Variants in GNAL observed in about 807,000 individuals in gnomAD.
GNAL encodes guanine nucleotide-binding protein G(olf) subunit alpha.
Under a neutral mutation model 55.1 loss-of-function variants are expected in GNAL, and 18 were observed. The observed-to-expected ratio is 0.33, with a 90% confidence interval of 0.23 to 0.48. The LOEUF (loss-of-function observed/expected upper bound fraction) is 0.48, where lower values mean the gene tolerates loss of function less well. Ranked by LOEUF, GNAL falls within the 20% of genes least tolerant of loss-of-function variation. The probability of loss-of-function intolerance (pLI) is 0.99; values close to 1 mark genes in which losing one functional copy is unlikely to be tolerated. For missense variants in GNAL, 412 were observed against 614.1 expected, an observed-to-expected ratio of 0.67 and a Z score of 3.48; for synonymous variants, 253 against 237.0, an observed-to-expected ratio of 1.07 and a Z score of -0.62.
chr18:11,876,494 T>G (rs2036535834), intron 10 of GNAL, 127 bp from the exon 11 acceptor site: 1 of 688,348 alleles, frequency 1.5e-6, no homozygotes, highest in African/African-American at 1.8e-5. Context: ...TGTTTTTGCC[T>G]TGCTGTACAT....
intron 5 of GNAL, among the ~76,000 whole-genome samples, chr18:11,847,851 A>G (rs1432838838): frequency 6.6e-6 from 1 of 152,218 alleles, no homozygotes; most frequent in Non-Finnish European, 1.5e-5. Context: ...TAGATACACA[A>G]AAAGAGAAAG....
intron 4 of GNAL, among the ~76,000 whole-genome samples, chr18:11,770,318 A>T: frequency 6.6e-6 from 1 of 152,320 alleles, no homozygotes; most frequent in Non-Finnish European, 1.5e-5. Context: ...ACTTACCTCA[A>T]TGATTATTCT....
intron 4 of GNAL, among the ~76,000 whole-genome samples, chr18:11,790,725 C>T (rs536659041): frequency 7.2e-6 from 1 of 139,024 alleles, no homozygotes; most frequent in South Asian, 2.3e-4. Context: ...GGCACGATCT[C>T]GTCTCACTGC....
chr18:11,744,687 A>C (rs1297493931), intron 1 of GNAL, among the ~76,000 whole-genome samples: 1 of 152,184 alleles, frequency 6.6e-6, no homozygotes, highest in Non-Finnish European at 1.5e-5. Context: ...AGTGCATAGA[A>C]TTTAGTGACC....
chr18:11,848,957 AC>A (rs1187026094), intron 5 of GNAL, among the ~76,000 whole-genome samples: 1 of 152,128 alleles, frequency 6.6e-6, no homozygotes, highest in Non-Finnish European at 1.5e-5. Context: ...TCTAACACTT[AC>A]CTAATGTGTG....
Position 11,751,408 on chromosome 18 carries a change from G to C in GNAL, c.377-1445G>C, listed in dbSNP as rs1044622587. ...TGTGCTGCTTGGGAGCACTGCACAG[G>C]AGAAACGGGGGCTGGAGGTAAAGAC... On this transcript the variant is annotated intron_variant, in intron 1 of 11. Coordinates refer to ENST00000334049, the MANE Select transcript of GNAL (RefSeq NM_182978.4). This position sits in a 1 kb window ranked among gnomAD's most constrained non-coding sequence, Gnocchi z 4.5. 3.8e-5 allele frequency: 23 copies of C among 610,720 alleles called. No homozygotes were observed. Among genetic ancestry groups the C allele is most frequent in the Non-Finnish European group, 4.3e-5 (21 of 487,438 alleles). The allele number at this position is 610,720 out of a possible 1,614,324, so 37.8% of individuals were successfully genotyped here.
At chr18:11,732,060 C>G (rs2032351436) in intron 1 of GNAL, among the ~76,000 whole-genome samples, 1 of 152,130 alleles carries the variant, frequency 6.6e-6, no homozygotes, top group African/African-American at 2.4e-5. Context: ...TATAGGTATA[C>G]CATATTTTGT....
In GNAL at chr18:11,751,474, T is replaced by A; in HGVS notation, c.377-1379T>A. 3 of 984,606 alleles carry A rather than the reference T, an allele frequency of 3.0e-6. No homozygotes were observed. Among genetic ancestry groups the A allele is most frequent in the Non-Finnish European group, 3.6e-6 (3 of 829,224 alleles). 61.0% of individuals were successfully genotyped at this position (984,606 alleles called of 1,614,324 possible). Reference sequence around the variant, plus strand: ...CGGCGACGTGGGCGAGCTGGAATAGTCTAGAAGCTGAGCAGAACAAAGGCG... The same window carrying A: ...CGGCGACGTGGGCGAGCTGGAATAGACTAGAAGCTGAGCAGAACAAAGGCG... On this transcript the variant is annotated intron_variant, in intron 1 of 11. Transcript: ENST00000334049. The surrounding 1 kb of genome is among the most constrained non-coding windows in gnomAD (Gnocchi z 4.5).
rs891017503 is a variant in GNAL at position 11,882,660 on chromosome 18, T to C, written c.*1525T>C. 1 of 121,602 alleles carries C rather than the reference T, an allele frequency of 8.2e-6. No homozygotes were observed. 7.5% of individuals were successfully genotyped at this position (121,602 alleles called of 1,614,324 possible). On this transcript the variant is annotated 3_prime_UTR_variant, in exon 12 of 12. Transcript: ENST00000334049. Reference sequence around the variant, plus strand: ...GAGGTCGTGCCATCGCACTCCAGCCTGGACATCAAAGTGAGACTCAGGCCA... The same window carrying C: ...GAGGTCGTGCCATCGCACTCCAGCCCGGACATCAAAGTGAGACTCAGGCCA...
chr18:11,767,309 C>A (rs1346120070), intron 4 of GNAL, among the ~76,000 whole-genome samples: 1 of 151,712 alleles, frequency 6.6e-6, no homozygotes, highest in Non-Finnish European at 1.5e-5. Flanking sequence ...GCTCTCTGTG[C>A]CTTTACACTT....
intron 4 of GNAL, among the ~76,000 whole-genome samples, chr18:11,766,973 A>G (rs8098587): frequency 0.14 from 21,014 of 152,146 alleles, 3,151 homozygotes; most frequent in African/African-American, 0.38. Flanking sequence ...GCTACATGTC[A>G]TCTTTCTCAC....
At chr18:11,758,070 C>A (rs1355167467) in intron 4 of GNAL, among the ~76,000 whole-genome samples, 41 of 152,064 alleles carry the variant, frequency 2.7e-4, no homozygotes, top group Admixed American at 2.6e-3. Flanking sequence ...ATGAAAAGGG[C>A]TGGAATCACT....
At chr18:11,824,360 G>T (rs771771663) in intron 4 of GNAL, among the ~76,000 whole-genome samples, 76 of 151,878 alleles carry the variant, frequency 5.0e-4, no homozygotes, top group Non-Finnish European at 9.6e-4. Context: ...TAACTTTGAT[G>T]TAATTTGCAT....
intron 5 of GNAL, among the ~76,000 whole-genome samples, chr18:11,835,651 A>G (rs1199256318): frequency 6.6e-6 from 1 of 152,210 alleles, no homozygotes; most frequent in Non-Finnish European, 1.5e-5. Flanking sequence ...CAGAAAAATA[A>G]ATTACATAGT....
At chr18:11,758,979 C>G (rs1372056474) in intron 4 of GNAL, among the ~76,000 whole-genome samples, 1 of 151,834 alleles carries the variant, frequency 6.6e-6, no homozygotes, top group African/African-American at 2.4e-5. Context: ...TTGAGACCAG[C>G]CTGGCCAACG....
intron 1 of GNAL, among the ~76,000 whole-genome samples, chr18:11,703,692 T>C (rs1241357897): frequency 6.6e-6 from 1 of 152,040 alleles, no homozygotes; most frequent in Admixed American, 6.6e-5. Context: ...TCCATTTCCG[T>C]TTTTTGCTCT....
chr18:11,820,655 G>C (rs1281625518), intron 4 of GNAL, among the ~76,000 whole-genome samples: 1 of 152,198 alleles, frequency 6.6e-6, no homozygotes, highest in African/African-American at 2.4e-5. Context: ...ATTTTTATAA[G>C]TTTGAAACTT....
At chr18:11,843,825 T>C (rs185435129) in intron 5 of GNAL, among the ~76,000 whole-genome samples, 54 of 151,616 alleles carry the variant, frequency 3.6e-4, no homozygotes, top group Admixed American at 2.0e-3. Flanking sequence ...AATACAAAAT[T>C]AGCAGGGCAT....
rs1256788787 is a variant in GNAL at position 11,882,377 on chromosome 18, A to G, written c.*1242A>G. 1 of 152,174 alleles carries G rather than the reference A, an allele frequency of 6.6e-6. No homozygotes were observed. Among genetic ancestry groups the G allele is most frequent in the Non-Finnish European group, 1.5e-5 (1 of 68,046 alleles). The allele number at this position is 152,174 out of a possible 1,614,324, so 9.4% of individuals were successfully genotyped here. ...TGGACACAGGCTACGTCATACAAGT[A>G]AGCAAACAGTAAGAGAAAAACAAAA... On this transcript the variant is annotated 3_prime_UTR_variant, in exon 12 of 12. Coordinates refer to ENST00000334049, the MANE Select transcript of GNAL (RefSeq NM_182978.4).
Sources: gnomAD v4.1 joint callset for allele counts (sites outside exome capture counted in the v4.1 genomes callset) on GRCh38, gnomAD v4.1.1 for gene constraint, Gnocchi (gnomAD v3.1) non-coding constraint, MANE v1.5 for transcripts, NCBI Gene and HGNC (gene_info 2026-07-23, HGNC 2026-07-21) for gene names.